The following NIT1 variants were observed in gnomAD, a reference collection of about 807,000 sequenced individuals.
The protein encoded by NIT1 is nitrilase 1.
Under a neutral mutation model 36.8 loss-of-function variants are expected in NIT1, and 30 were observed. The ratio of observed to expected loss-of-function variants is 0.82; its 90% confidence interval spans 0.61 to 1.11. The LOEUF (loss-of-function observed/expected upper bound fraction) is 1.11, where lower values mean the gene tolerates loss of function less well. Ranked by LOEUF, NIT1 falls within the 50% of genes least tolerant of loss-of-function variation. NIT1 has a pLI of 0.00. For missense variants in NIT1, 438 were observed against 410.6 expected (o/e 1.07, Z -0.58); for synonymous variants, 151 against 155.6 (o/e 0.97, Z 0.22).
chr1:161,119,425 G>T, intron 3 of NIT1, 37 bp downstream of exon 3: 1 of 1,613,468 alleles, frequency 6.2e-7, no homozygotes, highest in Non-Finnish European at 8.5e-7. Flanking sequence ...TAGAATCTTT[G>T]TTGGACAGTG....
rs1557971865 is a variant in NIT1 at position 161,119,937 on chromosome 1, C to T, written c.576C>T (p.Ser192=). The part of the protein sequence containing the change: ...MPGPSLESPV[S]TPAGKIGLAV... Reference sequence around the variant, plus strand: ...GGCCCAGTCTTGAGTCACCTGTCAGCACACCAGCAGGCAAGGTAGGAGTTG... The same window carrying T: ...GGCCCAGTCTTGAGTCACCTGTCAGTACACCAGCAGGCAAGGTAGGAGTTG... Residue 192 remains serine, a synonymous_variant, in exon 5 of 7, where the codon AGC becomes AGT. Coordinates refer to ENST00000368009, the MANE Select transcript of NIT1 (RefSeq NM_005600.3). 3.1e-6 allele frequency: 5 copies of T among 1,610,578 alleles called. No individual in the cohort carries two copies. Among genetic ancestry groups the T allele is most frequent in the Non-Finnish European group, 3.4e-6 (4 of 1,178,732 alleles).
intron 5 of NIT1, 63 bp from the exon 6 acceptor site, chr1:161,120,044 T>C: frequency 1.9e-6 from 3 of 1,609,778 alleles, no homozygotes; most frequent in Non-Finnish European, 2.5e-6. Flanking sequence ...GTAATGGAAA[T>C]ATGACTAGAT....
At chr1:161,120,310 C>T (rs187554491) in intron 6 of NIT1, 78 bp downstream of exon 6, 1 of 1,555,158 alleles carries the variant, frequency 6.4e-7, no homozygotes, top group East Asian at 2.3e-5. Flanking sequence ...AGTTAAATTC[C>T]TTCCCCTTTC....
downstream of NIT1, chr1:161,121,601 A>G (rs1655493416): frequency 1.3e-5 from 2 of 154,262 alleles, no homozygotes; most frequent in Admixed American, 1.3e-4. Flanking sequence ...AAGGCGGCAG[A>G]GAGGAGCAGC....
chr1:161,123,995 T>C (rs772486285), downstream of NIT1: 1 of 1,601,518 alleles, frequency 6.2e-7, no homozygotes, highest in African/African-American at 1.3e-5. Context: ...CCTTCCCTTC[T>C]GTCAGTCCAA....
rs547730561 is a variant in NIT1 at position 161,120,881 on chromosome 1, C to T, written c.*116C>T. On this transcript the variant is annotated 3_prime_UTR_variant, in exon 7 of 7. Coordinates refer to ENST00000368009, the MANE Select transcript of NIT1 (RefSeq NM_005600.3). ...GCACAGCTCCCCTCACTTGGAGAAC[C>T]TTGACTCTCTTGATGGAACACAGAT... The T allele has an allele frequency of 2.0e-6, 3 of 1,465,166 alleles. No individual in the cohort carries two copies. Among genetic ancestry groups the T allele is most frequent in the Non-Finnish European group, 2.7e-6 (3 of 1,113,792 alleles). The allele number at this position is 1,465,166 out of a possible 1,614,324, so 90.8% of individuals were successfully genotyped here.
At chr1:161,123,656 CAA>C (rs1264671380), downstream of NIT1, among the ~76,000 whole-genome samples, 1 of 143,784 alleles carries the variant, frequency 7.0e-6, no homozygotes, top group Non-Finnish European at 1.5e-5. Context: ...AAAAAAAAGA[CAA>C]GACATGTGAG....
rs1351265742 is a variant in NIT1 at position 161,119,541 on chromosome 1, T to G, written c.386T>G (p.Phe129Cys). 1 of 1,614,186 alleles carries G rather than the reference T, an allele frequency of 6.2e-7. No homozygotes were observed. The highest frequency in any genetic ancestry group is 2.2e-5 in the East Asian group (1 of 44,880). ...GGACTCTGGCTGTCCTTGGGTGGTT[T>G]CCATGAGCGTGGCCAAGACTGGGAG... ...ECGLWLSLGG[F>C]HERGQDWEQT... The change falls in exon 4 of 7, where the codon TTC becomes TGC. Residue 129 changes from phenylalanine to cysteine, a missense_variant. Coordinates refer to ENST00000368009, the MANE Select transcript of NIT1 (RefSeq NM_005600.3).
downstream of NIT1, chr1:161,123,278 A>C: frequency 2.0e-6 from 3 of 1,499,948 alleles, no homozygotes; most frequent in Non-Finnish European, 2.8e-6. Flanking sequence ...AAATTCAAAC[A>C]CTTCTGTTGG....
downstream of NIT1, chr1:161,122,536 G>A: frequency 6.2e-7 from 1 of 1,611,528 alleles, no homozygotes; most frequent in Non-Finnish European, 8.5e-7. This position sits in a 1 kb window ranked among gnomAD's most constrained non-coding sequence, Gnocchi z 4.2. Flanking sequence ...GTTGGAAACA[G>A]AAGATACAGA....
chr1:161,122,301 A>T, downstream of NIT1: 1 of 1,614,234 alleles, frequency 6.2e-7, no homozygotes, highest in Non-Finnish European at 8.5e-7. This position sits in a 1 kb window ranked among gnomAD's most constrained non-coding sequence, Gnocchi z 4.2. Context: ...TGCCTCTAAT[A>T]AAGAGCCATT....
chr1:161,119,020 AAG>A (rs1655120962), intron 2 of NIT1, 112 bp from the exon 3 acceptor site: 1 of 1,426,334 alleles, frequency 7.0e-7, no homozygotes, highest in African/African-American at 1.4e-5. Flanking sequence ...CGTGCCCTGT[AAG>A]AGCATGATCA....
intron 4 of NIT1, 41 bp downstream of exon 4, chr1:161,119,653 C>G (rs1355945475): frequency 1.3e-6 from 2 of 1,576,006 alleles, no homozygotes; most frequent in East Asian, 4.6e-5. Context: ...TTCCCATGCT[C>G]TTCTACCTAG....
At chr1:161,118,714 G>T in intron 1 of NIT1, 72 bp from the exon 2 acceptor site, 1 of 1,469,602 alleles carries the variant, frequency 6.8e-7, no homozygotes. Context: ...AGTATAAAGA[G>T]AGAAGTCAGA....
At chr1:161,118,257 T>TCCGCCGCCTG in intron 1 of NIT1, 79 bp downstream of exon 1, 1 of 1,612,358 alleles carries the variant, frequency 6.2e-7, no homozygotes. Flanking sequence ...AGATGCTGCC[T>TCCGCCGCCTG]CTGGGAGAGG....
At chr1:161,124,605 A>G (rs749433275), downstream of NIT1, 2 of 1,440,216 alleles carry the variant, frequency 1.4e-6, no homozygotes, top group Non-Finnish European at 1.8e-6. Context: ...CCCAGTTGCT[A>G]ACAATGCCTG....
At chr1:161,122,068 T>A, downstream of NIT1, 1 of 1,481,522 alleles carries the variant, frequency 6.7e-7, no homozygotes, top group Non-Finnish European at 9.0e-7. This position sits in a 1 kb window ranked among gnomAD's most constrained non-coding sequence, Gnocchi z 4.2. Flanking sequence ...GTTGGAAGGG[T>A]AGAGAACAAA....
chr1:161,122,358 T>C (rs750309176), downstream of NIT1: 2 of 1,614,074 alleles, frequency 1.2e-6, no homozygotes, highest in Non-Finnish European at 1.7e-6. This position sits in a 1 kb window ranked among gnomAD's most constrained non-coding sequence, Gnocchi z 4.2. Context: ...CTCAGAGAAC[T>C]TGATGTCACA....
downstream of NIT1, chr1:161,125,260 A>G (rs1204262058): frequency 2.0e-5 from 3 of 152,240 alleles, no homozygotes; most frequent in Non-Finnish European, 4.4e-5. Flanking sequence ...AATCACGGGT[A>G]ACCCTTATAT....
Sources: allele counts gnomAD v4.1 joint callset (sites outside exome capture counted in the v4.1 genomes callset), GRCh38; gene constraint gnomAD v4.1.1; non-coding constraint Gnocchi (gnomAD v3.1); transcripts MANE v1.5; gene names NCBI Gene and HGNC (gene_info 2026-07-23, HGNC 2026-07-21).